Variants in PLCL1 observed in about 807,000 individuals in gnomAD.
PLCL1 encodes inactive phospholipase C-like protein 1.
A neutral mutation model predicts 84.4 loss-of-function variants in PLCL1; 41 were observed. The ratio of observed to expected loss-of-function variants is 0.49; its 90% CI spans 0.38 to 0.63. The LOEUF (loss-of-function observed/expected upper bound fraction) is 0.63. PLCL1 is among the 30% of genes least tolerant of loss of function. The probability of loss-of-function intolerance (pLI) is 0.00; values close to 1 mark genes in which losing one functional copy is unlikely to be tolerated. For missense variants in PLCL1, 1,206 were observed against 1,367.8 expected (o/e 0.88, Z 1.87); for synonymous variants, 490 against 488.3 (o/e 1.00, Z -0.05).
intron 1 of PLCL1, among the ~76,000 whole-genome samples, chr2:198,014,744 A>G (rs1242124561): frequency 6.6e-6 from 1 of 152,142 alleles, no homozygotes; most frequent in Admixed American, 6.5e-5. Flanking sequence ...GTTCAAGTAT[A>G]CACACAGATT....
At chr2:197,999,160 A>G (rs575210425) in intron 1 of PLCL1, among the ~76,000 whole-genome samples, 7 of 152,254 alleles carry the variant, frequency 4.6e-5, no homozygotes, top group African/African-American at 1.4e-4. Context: ...ACACAAGACC[A>G]GGGTCCCTAA....
chr2:198,091,074 T>G (rs545344647), intron 3 of PLCL1, among the ~76,000 whole-genome samples: 38 of 152,336 alleles, frequency 2.5e-4, no homozygotes, highest in Admixed American at 4.6e-4. Context: ...AATGAAGTCT[T>G]TCATGTACAG....
intron 1 of PLCL1, among the ~76,000 whole-genome samples, chr2:198,036,788 G>T (rs1377054584): frequency 1.3e-5 from 2 of 152,042 alleles, no homozygotes; most frequent in African/African-American, 2.4e-5. Flanking sequence ...AGAGACCATT[G>T]ATTACATAAA....
At chr2:198,106,513 T>A (rs1693478376) in intron 5 of PLCL1, among the ~76,000 whole-genome samples, 1 of 151,904 alleles carries the variant, frequency 6.6e-6, no homozygotes, top group South Asian at 2.1e-4. Context: ...GAGGTGCTTA[T>A]TATAACCCTA....
intron 1 of PLCL1, among the ~76,000 whole-genome samples, chr2:197,991,332 C>T (rs977377210): frequency 4.6e-5 from 7 of 152,160 alleles, no homozygotes; most frequent in Non-Finnish European, 7.3e-5. Context: ...GGGATTCCAG[C>T]TTGCAGATGG....
chr2:197,825,371 G>A (rs1440595926), intron 1 of PLCL1, among the ~76,000 whole-genome samples: 2 of 152,166 alleles, frequency 1.3e-5, no homozygotes, highest in Non-Finnish European at 1.5e-5. Flanking sequence ...AGAAGGCATA[G>A]GCAGTATTCT....
chr2:197,832,699 T>G (rs1394412799), intron 1 of PLCL1, among the ~76,000 whole-genome samples: 1 of 151,786 alleles, frequency 6.6e-6, no homozygotes, highest in Non-Finnish European at 1.5e-5. Context: ...GACAAAACAA[T>G]AAAAGAAAAT....
intron 1 of PLCL1, among the ~76,000 whole-genome samples, chr2:198,068,853 C>T (rs1315214914): frequency 6.6e-6 from 1 of 152,048 alleles, no homozygotes; most frequent in Non-Finnish European, 1.5e-5. Flanking sequence ...GAAACCCCAT[C>T]TCTAATAAAA....
intron 1 of PLCL1, among the ~76,000 whole-genome samples, chr2:198,047,815 T>C (rs1691842617): frequency 6.6e-6 from 1 of 152,214 alleles, no homozygotes; most frequent in Admixed American, 6.5e-5. Context: ...TGCATAATAA[T>C]AAAGCAGATC....
intron 1 of PLCL1, among the ~76,000 whole-genome samples, chr2:197,820,802 C>A (rs1690800108): frequency 6.6e-6 from 1 of 152,070 alleles, no homozygotes; most frequent in African/African-American, 2.4e-5. Context: ...GATTTAAGTT[C>A]TTTACCCACT....
At chr2:197,938,835 C>T (rs1188764193) in intron 1 of PLCL1, among the ~76,000 whole-genome samples, 1 of 152,002 alleles carries the variant, frequency 6.6e-6, no homozygotes, top group East Asian at 1.9e-4. Context: ...GACACTGAAG[C>T]TATTAAAACC....
intron 1 of PLCL1, among the ~76,000 whole-genome samples, chr2:198,065,561 C>T (rs999559131): frequency 1.3e-5 from 2 of 152,044 alleles, no homozygotes; most frequent in African/African-American, 2.4e-5. Flanking sequence ...ATTCATAAAA[C>T]GGTTGTATTG....
At chr2:198,016,806 T>C (rs1015273698) in intron 1 of PLCL1, among the ~76,000 whole-genome samples, 2 of 152,198 alleles carry the variant, frequency 1.3e-5, no homozygotes, top group Admixed American at 6.5e-5. Flanking sequence ...CCTCAGAGCA[T>C]GGTGAGAGTC....
At chr2:198,129,785 G>T (rs76732834) in intron 5 of PLCL1, among the ~76,000 whole-genome samples, 1,675 of 151,960 alleles carry the variant, frequency 0.011, 26 homozygotes, top group African/African-American at 0.038. Flanking sequence ...TTCTTAACAG[G>T]GTTGTTTATA....
At chr2:197,828,806 C>G (rs1003435129) in intron 1 of PLCL1, among the ~76,000 whole-genome samples, 2 of 152,094 alleles carry the variant, frequency 1.3e-5, no homozygotes. Flanking sequence ...CAGATTGAAA[C>G]AGAATGTCTT....
chr2:198,014,200 A>C (rs1302699650), intron 1 of PLCL1, among the ~76,000 whole-genome samples: 1 of 152,150 alleles, frequency 6.6e-6, no homozygotes, highest in Non-Finnish European at 1.5e-5. Flanking sequence ...CTGCCTTAAT[A>C]ATTCTCTGGC....
chr2:197,975,172 A>T (rs1308586329), intron 1 of PLCL1, among the ~76,000 whole-genome samples: 1 of 151,336 alleles, frequency 6.6e-6, no homozygotes, highest in Non-Finnish European at 1.5e-5. Context: ...AAAAAAAAAA[A>T]AAGAGTGATG....
At chr2:197,944,695 A>G (rs1401960386) in intron 1 of PLCL1, among the ~76,000 whole-genome samples, 1 of 152,188 alleles carries the variant, frequency 6.6e-6, no homozygotes, top group Non-Finnish European at 1.5e-5. Context: ...CTCACCAATG[A>G]TGGAAAGTCT....
intron 1 of PLCL1, among the ~76,000 whole-genome samples, chr2:198,022,825 A>G (rs1691169760): frequency 6.6e-6 from 1 of 152,262 alleles, no homozygotes; most frequent in Non-Finnish European, 1.5e-5. Context: ...CATACTGCCC[A>G]AAGTAATTTA....
Sources: gnomAD v4.1 joint callset for allele counts (sites outside exome capture counted in the v4.1 genomes callset) on GRCh38, gnomAD v4.1.1 for gene constraint, MANE v1.5 for transcripts, NCBI Gene and HGNC (gene_info 2026-07-23, HGNC 2026-07-21) for gene names.